Variants in SH3GL2 observed in about 807,000 individuals in gnomAD.
SH3GL2 encodes endophilin-A1.
Under a neutral mutation model 46.0 loss-of-function variants are expected in SH3GL2, and 24 were observed. The ratio of observed to expected loss-of-function variants is 0.52; its 90% CI spans 0.38 to 0.73. SH3GL2 has a LOEUF of 0.73. Among genes scored for constraint, SH3GL2 ranks in the 30% least tolerant of loss-of-function variants. The probability of loss-of-function intolerance (pLI) is 0.00; values close to 1 mark genes in which losing one functional copy is unlikely to be tolerated. For synonymous variants in SH3GL2, 196 were observed against 147.1 expected (o/e 1.33, Z -2.40); for missense variants, 413 against 424.2 (o/e 0.97, Z 0.23).
intron 1 of SH3GL2, among the ~76,000 whole-genome samples, chr9:17,696,890 C>G (rs1334432058): frequency 3.3e-5 from 5 of 152,286 alleles, no homozygotes; most frequent in Non-Finnish European, 7.4e-5. Context: ...ATCCATAACC[C>G]TCTTACCTTC....
intron 1 of SH3GL2, among the ~76,000 whole-genome samples, chr9:17,679,307 T>C (rs1820701976): frequency 6.6e-6 from 1 of 152,226 alleles, no homozygotes; most frequent in Non-Finnish European, 1.5e-5. Flanking sequence ...TTTTATTTCG[T>C]TGAGCACTGG....
At chr9:17,673,194 G>C (rs181614725) in intron 1 of SH3GL2, among the ~76,000 whole-genome samples, 1 of 151,992 alleles carries the variant, frequency 6.6e-6, no homozygotes, top group Non-Finnish European at 1.5e-5. Context: ...TGTCACCCAG[G>C]CTGGAATGCA....
At chr9:17,692,890 G>T (rs562181674) in intron 1 of SH3GL2, among the ~76,000 whole-genome samples, 1 of 152,130 alleles carries the variant, frequency 6.6e-6, no homozygotes, top group African/African-American at 2.4e-5. Context: ...AGAAAAATGA[G>T]GAAGAAGCAA....
chr9:17,602,463 C>T (rs191127871), intron 1 of SH3GL2, among the ~76,000 whole-genome samples: 1 of 152,266 alleles, frequency 6.6e-6, no homozygotes, highest in African/African-American at 2.4e-5. Context: ...TACCCCAATG[C>T]AGAGGCCACC....
intron 1 of SH3GL2, among the ~76,000 whole-genome samples, chr9:17,615,348 TC>T (rs1267949947): frequency 6.6e-6 from 1 of 152,174 alleles, no homozygotes; most frequent in East Asian, 1.9e-4. Flanking sequence ...TTGTCATTTT[TC>T]CTTGATTTTA....
intron 1 of SH3GL2, among the ~76,000 whole-genome samples, chr9:17,733,031 C>A (rs1822225151): frequency 6.6e-6 from 1 of 152,074 alleles, no homozygotes; most frequent in Admixed American, 6.6e-5. Flanking sequence ...ACTGCTGCTG[C>A]CTTCCCCACT....
chr9:17,748,789 GC>G (rs1422015943), intron 2 of SH3GL2, among the ~76,000 whole-genome samples: 1 of 152,120 alleles, frequency 6.6e-6, no homozygotes, highest in African/African-American at 2.4e-5. Context: ...AGCTACAGAA[GC>G]CCAGCACAGA....
rs564870947 is a variant in SH3GL2, at chr9:17,685,684, G to T, written c.46-61382G>T. Among the ~76,000 whole-genome samples the T allele has an allele frequency of 9.2e-5, 14 of 152,106 alleles. No individual in the cohort carries two copies. In the East Asian group the frequency reaches 2.7e-3, roughly 30 times the overall value. Reference sequence around the variant, plus strand: ...TACATATGGCTAGCCAGTTTTCCCAGCACCATTTATTAAACAGGGAATCCT... The same window carrying T: ...TACATATGGCTAGCCAGTTTTCCCATCACCATTTATTAAACAGGGAATCCT... On this transcript the variant is annotated intron_variant, in intron 1 of 8. Coordinates refer to ENST00000380607, the MANE Select transcript of SH3GL2 (RefSeq NM_003026.5).
At chr9:17,777,454 C>T (rs1050295474) in intron 3 of SH3GL2, among the ~76,000 whole-genome samples, 1 of 152,136 alleles carries the variant, frequency 6.6e-6, no homozygotes, top group Non-Finnish European at 1.5e-5. Context: ...TGATATCCCT[C>T]CCAAATTCAT....
chr9:17,657,134 C>T (rs1054764392), intron 1 of SH3GL2, among the ~76,000 whole-genome samples: 10 of 152,204 alleles, frequency 6.6e-5, no homozygotes, highest in Middle Eastern at 3.2e-3. Flanking sequence ...AGCTCATACA[C>T]ACTGAATTAC....
chr9:17,760,157 A>G (rs1475315357), intron 2 of SH3GL2, among the ~76,000 whole-genome samples: 3 of 152,180 alleles, frequency 2.0e-5, no homozygotes, highest in Non-Finnish European at 2.9e-5. Context: ...GAATCAATCA[A>G]AAGGATATTT....
At chr9:17,749,720 A>G (rs1192219353) in intron 2 of SH3GL2, among the ~76,000 whole-genome samples, 1 of 152,200 alleles carries the variant, frequency 6.6e-6, no homozygotes, top group Non-Finnish European at 1.5e-5. Flanking sequence ...AACTAATTAG[A>G]CCTTTGGAGA....
intron 1 of SH3GL2, among the ~76,000 whole-genome samples, chr9:17,726,836 T>C (rs971254622): frequency 6.6e-6 from 1 of 152,120 alleles, no homozygotes; most frequent in Non-Finnish European, 1.5e-5. Flanking sequence ...AACAGAAATT[T>C]TGGTAAACTG....
chr9:17,687,265 C>A (rs184401431), intron 1 of SH3GL2, among the ~76,000 whole-genome samples: 197 of 152,086 alleles, frequency 1.3e-3, no homozygotes, highest in African/African-American at 4.5e-3. Flanking sequence ...TCATTGAAAT[C>A]ATTGGATTAG....
chr9:17,699,292 T>C (rs1821287122), intron 1 of SH3GL2, among the ~76,000 whole-genome samples: 1 of 152,124 alleles, frequency 6.6e-6, no homozygotes, highest in Admixed American at 6.6e-5. Context: ...ATTAGACTTC[T>C]GTGCAAGCAG....
At chr9:17,738,985 C>T (rs558695265) in intron 1 of SH3GL2, among the ~76,000 whole-genome samples, 36 of 152,050 alleles carry the variant, frequency 2.4e-4, no homozygotes, top group African/African-American at 8.2e-4. Flanking sequence ...TGTAGACTTG[C>T]GAAGTTGATG....
At chr9:17,678,101 G>A (rs1211921343) in intron 1 of SH3GL2, among the ~76,000 whole-genome samples, 1 of 152,170 alleles carries the variant, frequency 6.6e-6, no homozygotes, top group Non-Finnish European at 1.5e-5. Flanking sequence ...GTGTATGTGT[G>A]CATGTGTCTT....
At chr9:17,641,009 T>C (rs1252210744) in intron 1 of SH3GL2, among the ~76,000 whole-genome samples, 2 of 152,170 alleles carry the variant, frequency 1.3e-5, no homozygotes, top group Non-Finnish European at 2.9e-5. Context: ...TGAATTTAGG[T>C]ATGTAATTGT....
intron 1 of SH3GL2, among the ~76,000 whole-genome samples, chr9:17,604,130 T>C (rs1052793310): frequency 6.6e-6 from 1 of 152,168 alleles, no homozygotes. Context: ...ACACTTTCAC[T>C]TCATACGTGA....
Sources: gnomAD v4.1 joint callset for allele counts (sites outside exome capture counted in the v4.1 genomes callset) on GRCh38, gnomAD v4.1.1 for gene constraint, MANE v1.5 for transcripts, NCBI Gene and HGNC (gene_info 2026-07-23, HGNC 2026-07-21) for gene names.